MAGED1: variants seen among roughly 807,000 people sequenced by gnomAD.
MAGED1 encodes MAGE family member D1.
A neutral mutation model predicts 54.1 loss-of-function variants in MAGED1; 3 were observed. The observed-to-expected ratio is 0.06, with a 90% CI of 0.03 to 0.14. The LOEUF (loss-of-function observed/expected upper bound fraction) is 0.14, where lower values mean the gene tolerates loss of function less well. Ranked by LOEUF, MAGED1 falls within the 10% of genes least tolerant of loss-of-function variation. MAGED1 has a pLI of 1.00. For synonymous variants in MAGED1, 217 were observed against 227.3 expected, an observed-to-expected ratio of 0.95 and a Z score of 0.41; for missense variants, 485 against 623.4, an observed-to-expected ratio of 0.78 and a Z score of 2.36.
intron 1 of MAGED1, among the ~76,000 whole-genome samples, chrX:51,831,048 G>A (rs1926047205): frequency 9.0e-6 from 1 of 111,269 alleles, no homozygotes; most frequent in Admixed American, 9.5e-5. Flanking sequence ...TTTTAGTAGA[G>A]ACAGGGTTTC....
At chrX:51,889,627 CAAAAAAA>C (rs1170454113), upstream of MAGED1, among the ~76,000 whole-genome samples, 5 of 16,911 alleles carry the variant, frequency 3.0e-4, no homozygotes, top group Admixed American at 1.3e-3. Context: ...GACTCTGTCT[CAAAAAAA>C]AAAAAAAAAA....
chrX:51,849,931 T>G (rs903659045), intron 1 of MAGED1, among the ~76,000 whole-genome samples: 9 of 111,494 alleles, frequency 8.1e-5, no homozygotes, highest in Non-Finnish European at 1.7e-4. Context: ...ATTTCTTTTC[T>G]GAAATAATCT....
At chrX:51,834,569 G>C (rs191459849) in intron 1 of MAGED1, among the ~76,000 whole-genome samples, 1 of 111,812 alleles carries the variant, frequency 8.9e-6, no homozygotes, top group African/African-American at 3.3e-5. Flanking sequence ...TTTGTTAATG[G>C]ATATTAGGTT....
chrX:51,867,339 G>A, intron 1 of MAGED1, among the ~76,000 whole-genome samples: 1 of 111,686 alleles, frequency 9.0e-6, no homozygotes, highest in Non-Finnish European at 1.9e-5. Flanking sequence ...AAATAAAGGG[G>A]AGCTTATTAA....
intron 1 of MAGED1, among the ~76,000 whole-genome samples, chrX:51,859,760 A>C (rs1459550864): frequency 1.8e-5 from 2 of 111,358 alleles, no homozygotes; most frequent in Non-Finnish European, 3.8e-5. Context: ...AGACTTATAG[A>C]GAGAGAATGT....
At chrX:51,869,741 G>T (rs782264809) in intron 1 of MAGED1, among the ~76,000 whole-genome samples, 1 of 110,382 alleles carries the variant, frequency 9.1e-6, no homozygotes, top group Admixed American at 9.6e-5. Flanking sequence ...TGTGGTGGCG[G>T]GTACCTGTGG....
intron 1 of MAGED1, among the ~76,000 whole-genome samples, chrX:51,865,856 T>C (rs782365598): frequency 4.0e-3 from 445 of 111,477 alleles, no homozygotes; most frequent in Non-Finnish European, 5.2e-3. Flanking sequence ...GTTCTCATGA[T>C]AGTGAGTTCT....
intron 1 of MAGED1, among the ~76,000 whole-genome samples, chrX:51,830,517 C>G (rs1557357324): frequency 2.9e-5 from 3 of 104,733 alleles, no homozygotes; most frequent in African/African-American, 1.1e-4. Flanking sequence ...CAAAATAACA[C>G]CAATACCAAT....
rs782685378 is a variant in MAGED1, at chrX:51,868,468, A to G, written c.-36-25801A>G. The stretch of plus-strand genomic sequence containing the variant: ...TGTGTGGTAGTGGGGTAGTGGAGGT[A>G]TGTGGCCAAGGTATGTGTGATAATG... On this transcript the variant is annotated intron_variant, in intron 1 of 12. Coordinates refer to the MAGED1 transcript ENST00000375772. 8.1e-5 allele frequency among the ~76,000 whole-genome samples: 9 copies of G among 111,418 alleles called. No individual in the cohort carries two copies. In the South Asian group the frequency reaches 3.4e-3, roughly 42 times the overall value.
intron 1 of MAGED1, among the ~76,000 whole-genome samples, chrX:51,813,047 G>T (rs1925285514): frequency 1.2e-5 from 1 of 84,399 alleles, no homozygotes; most frequent in Non-Finnish European, 2.2e-5. Flanking sequence ...TTTTGAGGCA[G>T]ACTTTCACTC....
intron 1 of MAGED1, among the ~76,000 whole-genome samples, chrX:51,804,702 A>G (rs1602201095): frequency 9.0e-6 from 1 of 111,342 alleles, no homozygotes; most frequent in Non-Finnish European, 1.9e-5. Flanking sequence ...AAAAAAATAC[A>G]TGAAGAAATA....
In MAGED1 at chrX:51,816,577, G is replaced by A. The variant is rs1250086559; in HGVS notation, c.-37+13460G>A. Among the ~76,000 whole-genome samples the A allele has an allele frequency of 1.5e-4, 17 of 111,386 alleles. No homozygotes were observed. The Admixed American group carries it at 1.6e-3, about 11-fold the overall frequency. The stretch of plus-strand genomic sequence containing the variant: ...ACTGGTGTGTAGTCTAGGAGCAATA[G>A]TCCATACCATATAACACAGGTGTGT... On this transcript the variant is annotated intron_variant, in intron 1 of 12. Transcript: ENST00000375772.
At chrX:51,885,799 C>A (rs1257790121) in intron 1 of MAGED1, among the ~76,000 whole-genome samples, 7 of 110,814 alleles carry the variant, frequency 6.3e-5, no homozygotes, top group African/African-American at 2.0e-4. Context: ...AAAGAAAAAT[C>A]AATATATCAA....
chrX:51,805,082 T>G (rs1358738668), intron 1 of MAGED1, among the ~76,000 whole-genome samples: 1 of 111,966 alleles, frequency 8.9e-6, no homozygotes, highest in African/African-American at 3.2e-5. Context: ...TGTCAGCCTC[T>G]TTAGGAAGAC....
At chrX:51,893,507 G>A (rs1306868067), upstream of MAGED1, 1 of 113,988 alleles carries the variant, frequency 8.8e-6, no homozygotes, top group Non-Finnish European at 1.9e-5. Context: ...TGGTCTCCAG[G>A]ACGAAGCTTT....
chrX:51,830,754 C>A (rs1354313233), intron 1 of MAGED1, among the ~76,000 whole-genome samples: 2 of 111,551 alleles, frequency 1.8e-5, no homozygotes, highest in African/African-American at 6.5e-5. Context: ...CAGCCATTTT[C>A]CCCAACTGAT....
At chrX:51,859,961 C>A (rs939162862) in intron 1 of MAGED1, among the ~76,000 whole-genome samples, 4 of 100,721 alleles carry the variant, frequency 4.0e-5, no homozygotes, top group Admixed American at 2.4e-4. Context: ...AAGAAAGATC[C>A]TGTGGGTAGG....
At chrX:51,856,810 C>G (rs1340326686) in intron 1 of MAGED1, among the ~76,000 whole-genome samples, 1 of 111,481 alleles carries the variant, frequency 9.0e-6, no homozygotes, top group African/African-American at 3.3e-5. Context: ...AAATTTGTTA[C>G]AGGCACAGTA....
intron 1 of MAGED1, among the ~76,000 whole-genome samples, chrX:51,838,093 T>G (rs1400385019): frequency 8.9e-6 from 1 of 112,459 alleles, no homozygotes; most frequent in Non-Finnish European, 1.9e-5. Context: ...GTTACGTGAT[T>G]CCTGCTATCC....
Sources: gnomAD v4.1 joint callset for allele counts (sites outside exome capture counted in the v4.1 genomes callset) on GRCh38, gnomAD v4.1.1 for gene constraint, MANE v1.5 for transcripts, NCBI Gene and HGNC (gene_info 2026-07-23, HGNC 2026-07-21) for gene names.